SEC14L5: variants seen among roughly 807,000 people sequenced by gnomAD.
SEC14L5 encodes the protein SEC14-like protein 5.
In SEC14L5, 96 loss-of-function variants were observed where a neutral mutation model predicts 84.6. The observed-to-expected ratio is 1.13, with a 90% CI of 0.96 to 1.34. The LOEUF (loss-of-function observed/expected upper bound fraction) is 1.34, where lower values mean the gene tolerates loss of function less well. Ranked by LOEUF, SEC14L5 falls within the 40% of genes most tolerant of loss-of-function variation. The pLI, the probability that SEC14L5 is intolerant of heterozygous loss-of-function variation, is 0.00. For synonymous variants in SEC14L5, 546 were observed against 383.4 expected (o/e 1.42, Z -4.95); for missense variants, 1,224 against 942.5 (o/e 1.30, Z -3.91).
At chr16:4,990,979 C>T in intron 5 of SEC14L5, 84 bp downstream of exon 5, 1 of 1,138,914 alleles carries the variant, frequency 8.8e-7, no homozygotes, top group East Asian at 2.8e-5. Context: ...CTGGCAAGAC[C>T]CTTACCCTTC....
intron 6 of SEC14L5, among the ~76,000 whole-genome samples, chr16:4,993,892 C>G (rs1955578955): frequency 6.6e-6 from 1 of 150,900 alleles, no homozygotes; most frequent in South Asian, 2.1e-4. Flanking sequence ...AAAGTAGTCA[C>G]TTGTTGATTA....
intron 1 of SEC14L5, among the ~76,000 whole-genome samples, 175 bp downstream of exon 1, chr16:4,958,620 G>C (rs1403012950): frequency 6.6e-6 from 1 of 152,222 alleles, no homozygotes; most frequent in Non-Finnish European, 1.5e-5. Context: ...GTGTGTACGT[G>C]TGTGTGCATG....
At chr16:4,982,832 G>A (rs139552923) in intron 2 of SEC14L5, among the ~76,000 whole-genome samples, 201 of 152,280 alleles carry the variant, frequency 1.3e-3, no homozygotes, top group African/African-American at 4.6e-3. Context: ...GTAGAGCTGG[G>A]ATTTGTACCC....
Position 4,987,683 on chromosome 16 carries a change from G to T in SEC14L5, c.190G>T (p.Asp64Tyr). Reference protein sequence around the residue: ...VVERSCRLRVDAPRLLRKIAG... With the variant: ...VVERSCRLRVYAPRLLRKIAG... ...GGAGCGGAGCTGCCGGCTGCGCGTG[G>T]ACGCCCCGCGGCTGCTGCGGAAGGT... Residue 64 changes from aspartate (D) to tyrosine (Y), a missense_variant, in exon 3 of 16, where the codon GAC becomes TAC. Physicochemically the swap from Asp to Tyr is radical, Grantham distance 160. Transcript: ENST00000251170. The T allele has an allele frequency of 6.5e-7, 1 of 1,537,738 alleles. No individual in the cohort carries two copies.
chr16:4,978,366 G>A (rs1207520636), intron 2 of SEC14L5, among the ~76,000 whole-genome samples: 1 of 386 alleles, frequency 2.6e-3, no homozygotes, highest in African/African-American at 0.013. Context: ...GCAGTGAGCC[G>A]AGATCCCGCG....
At chr16:4,983,355 A>G (rs1955446654) in intron 2 of SEC14L5, among the ~76,000 whole-genome samples, 1 of 151,260 alleles carries the variant, frequency 6.6e-6, no homozygotes, top group Non-Finnish European at 1.5e-5. Context: ...GTATCCATAT[A>G]TGAAATAATA....
chr16:5,003,615 G>A (rs762313732), intron 11 of SEC14L5, 42 bp downstream of exon 11: 6 of 700,280 alleles, frequency 8.6e-6, no homozygotes, highest in East Asian at 4.0e-5. Flanking sequence ...CTGGGGGTGG[G>A]TGGGATGGGA....
At chr16:5,007,775 T>C (rs757279487) in intron 13 of SEC14L5, among the ~76,000 whole-genome samples, 1 of 150,576 alleles carries the variant, frequency 6.6e-6, no homozygotes, top group Admixed American at 6.6e-5. Flanking sequence ...CCAGCTAATT[T>C]TTGTATTTTT....
rs1955890549 is a variant in SEC14L5, at chr16:5,017,654, G to A, written c.*2684G>A. 6.6e-6 allele frequency: 1 copy of A among 152,340 alleles called. No homozygotes were observed. Among genetic ancestry groups the A allele is most frequent in the East Asian group, 1.9e-4 (1 of 5,188 alleles). The allele number at this position is 152,340 out of a possible 1,614,324, so 9.4% of individuals were successfully genotyped here. On this transcript the variant is annotated 3_prime_UTR_variant, in exon 16 of 16. Coordinates refer to ENST00000251170, the MANE Select transcript of SEC14L5 (RefSeq NM_014692.2). ...CCCGTGATTGACATTCCCTGCAGAAGCCGCAGCAGGATTGGGGAGGGCCAT... is the reference window on the plus strand; with the variant it reads ...CCCGTGATTGACATTCCCTGCAGAAACCGCAGCAGGATTGGGGAGGGCCAT...
chr16:5,012,247 G>A (rs1465245674), intron 15 of SEC14L5, among the ~76,000 whole-genome samples: 3 of 152,144 alleles, frequency 2.0e-5, no homozygotes, highest in Non-Finnish European at 2.9e-5. Context: ...GAGGCCCAGG[G>A]GGACACAGAG....
In SEC14L5 at chr16:4,981,255, G is replaced by GTTTTTTTTT. The variant is rs58882220; in HGVS notation, c.64-6282_64-6274dup. On this transcript the variant is annotated intron_variant, in intron 2 of 15. Transcript: ENST00000251170. ...ATGCACCAGCACGTCTAGCTAATTG[G>GTTTTTTTTT]TTTTTTTTTTTTTTTTTTTTTTTTT... Among the ~76,000 whole-genome samples the GTTTTTTTTT allele has an allele frequency of 1.5e-4, 14 of 92,930 alleles. 1 individual carries two copies. The highest frequency in any genetic ancestry group is 1.9e-4 in the Non-Finnish European group (9 of 48,100). 61.0% of individuals were successfully genotyped at this position (92,930 alleles called of 152,430 possible).
At chr16:4,987,050 C>G (rs1195402317) in intron 2 of SEC14L5, among the ~76,000 whole-genome samples, 1 of 152,176 alleles carries the variant, frequency 6.6e-6, no homozygotes, top group African/African-American at 2.4e-5. Flanking sequence ...GAACCTCTAG[C>G]ACAAGCTCGA....
chr16:4,975,846 A>C (rs1394586634), intron 2 of SEC14L5, among the ~76,000 whole-genome samples: 3 of 152,188 alleles, frequency 2.0e-5, no homozygotes, highest in African/African-American at 7.2e-5. Flanking sequence ...GTGGCTGCGT[A>C]GTGGCCAGGC....
intron 4 of SEC14L5, among the ~76,000 whole-genome samples, chr16:4,989,327 G>GTTT (rs5815223): frequency 5.9e-5 from 8 of 136,468 alleles, no homozygotes; most frequent in South Asian, 2.3e-4. Flanking sequence ...TGTTTGTTTT[G>GTTT]TTTTTTTTTT....
chr16:4,989,135 C>T (rs1006378544), intron 4 of SEC14L5, among the ~76,000 whole-genome samples: 3 of 152,210 alleles, frequency 2.0e-5, no homozygotes, highest in African/African-American at 7.2e-5. Flanking sequence ...GAATGAGGCA[C>T]CTGCAGGCAT....
chr16:4,964,701 G>T (rs1185597031), intron 2 of SEC14L5, among the ~76,000 whole-genome samples: 2 of 152,244 alleles, frequency 1.3e-5, no homozygotes, highest in South Asian at 2.1e-4. Context: ...CTCCCAAAAT[G>T]CTGGGATTAC....
intron 15 of SEC14L5, among the ~76,000 whole-genome samples, chr16:5,014,545 A>G (rs1377431691): frequency 6.6e-6 from 1 of 152,186 alleles, no homozygotes; most frequent in Non-Finnish European, 1.5e-5. Flanking sequence ...TTGAGTGCAA[A>G]GAGTAAGGAG....
At chr16:5,014,835 G>T in intron 15 of SEC14L5, 24 bp from the exon 16 acceptor site, 1 of 1,579,820 alleles carries the variant, frequency 6.3e-7, no homozygotes, top group Non-Finnish European at 8.7e-7. Flanking sequence ...AGAGGGTAAC[G>T]TGTGCCACGC....
rs919194549 is a variant in SEC14L5, at chr16:5,014,723, A to G, written c.1980-136A>G. 38 of 636,898 alleles carry G rather than the reference A, an allele frequency of 6.0e-5. No homozygotes were observed. In the Admixed American group the frequency reaches 1.0e-3, roughly 17 times the overall value. 39.5% of individuals were successfully genotyped at this position (636,898 alleles called of 1,614,324 possible). A position where few individuals can be genotyped will look rare whatever the true frequency, so the allele number is the denominator to read the frequency against. On this transcript the variant is annotated intron_variant, in intron 15 of 15. Coordinates refer to ENST00000251170, the MANE Select transcript of SEC14L5 (RefSeq NM_014692.2). ...GTAGTGCTTTTCTCTTCATGGCGTC[A>G]CTTGCTTTTCCCTTTGCATCGGCCT...
Sources: gnomAD v4.1 joint callset for allele counts (sites outside exome capture counted in the v4.1 genomes callset) on GRCh38, gnomAD v4.1.1 for gene constraint, MANE v1.5 for transcripts, NCBI Gene and HGNC (gene_info 2026-07-23, HGNC 2026-07-21) for gene names.